The following ZDHHC14 variants were observed in gnomAD, a reference collection of about 807,000 sequenced individuals.
The protein encoded by ZDHHC14 is palmitoyltransferase ZDHHC14.
In ZDHHC14, 16 loss-of-function variants were observed where a neutral mutation model predicts 47.7. The observed-to-expected ratio is 0.34, with a 90% CI of 0.23 to 0.51. The LOEUF (loss-of-function observed/expected upper bound fraction) is 0.51, where lower values mean the gene tolerates loss of function less well. Among genes scored for constraint, ZDHHC14 ranks in the 20% least tolerant of loss-of-function variants. The pLI is 0.97. For synonymous variants in ZDHHC14, 293 were observed against 278.9 expected, an observed-to-expected ratio of 1.05 and a Z score of -0.50; for missense variants, 515 against 662.5, an observed-to-expected ratio of 0.78 and a Z score of 2.44.
intron 1 of ZDHHC14, among the ~76,000 whole-genome samples, chr6:157,444,675 C>CA (rs34402178): frequency 0.013 from 1,517 of 118,158 alleles, 30 homozygotes; most frequent in African/African-American, 0.041. Flanking sequence ...GAGACTCCGT[C>CA]AAAAAAAAAA....
Position 157,414,592 on chromosome 6 carries a change from C to T in ZDHHC14, c.245+32326C>T, listed in dbSNP as rs148925337. On this transcript the variant is annotated intron_variant, in intron 1 of 8. Transcript: ENST00000359775. ...CATCTCTATGGGCTGCAGCTGCTGC[C>T]AGAGACTTTCATCCAGGCCAAGAGA... Among the ~76,000 whole-genome samples the T allele has an allele frequency of 2.6e-4, 39 of 152,188 alleles. No homozygotes were observed. The South Asian group carries it at 4.6e-3, about 18-fold the overall frequency.
chr6:157,659,735 G>A (rs1312548230), intron 8 of ZDHHC14, among the ~76,000 whole-genome samples: 1 of 152,216 alleles, frequency 6.6e-6, no homozygotes, highest in African/African-American at 2.4e-5. Context: ...AAGAGCAAGT[G>A]GTCTGGCAAG....
At chr6:157,389,128 C>G (rs1777373576) in intron 1 of ZDHHC14, among the ~76,000 whole-genome samples, 1 of 152,084 alleles carries the variant, frequency 6.6e-6, no homozygotes, top group Admixed American at 6.6e-5. Flanking sequence ...TTAAAGCAGT[C>G]TATTCATGAA....
chr6:157,642,785 A>G (rs924285160), intron 5 of ZDHHC14, among the ~76,000 whole-genome samples: 2 of 152,318 alleles, frequency 1.3e-5, no homozygotes, highest in Middle Eastern at 3.4e-3. Flanking sequence ...TTATTATGGC[A>G]TAGATATTTT....
intron 1 of ZDHHC14, among the ~76,000 whole-genome samples, chr6:157,408,903 A>C (rs1404979531): frequency 6.6e-6 from 1 of 152,182 alleles, no homozygotes; most frequent in African/African-American, 2.4e-5. Context: ...CCCTGCTTAT[A>C]ATTTCCTTAT....
At position 157,675,964 on chromosome 6, in the gene ZDHHC14, G is replaced by A. The variant is rs906561441; in HGVS notation, c.*2842G>A. 5.3e-5 allele frequency: 8 copies of A among 152,206 alleles called. No homozygotes were observed. Among genetic ancestry groups the A allele is most frequent in the Non-Finnish European group, 1.0e-4 (7 of 68,046 alleles). The allele number at this position is 152,206 out of a possible 1,614,324, so 9.4% of individuals were successfully genotyped here. A position where few individuals can be genotyped will look rare whatever the true frequency, so the allele number is the denominator to read the frequency against. ...TTCTGCTGTTTAAAAATTCATCTGC[G>A]TTCGTTCTCCCAGGAGTGCTCCAGG... On this transcript the variant is annotated 3_prime_UTR_variant, in exon 9 of 9. Transcript: ENST00000359775.
At chr6:157,641,216 A>G (rs997492126) in intron 5 of ZDHHC14, among the ~76,000 whole-genome samples, 3 of 152,118 alleles carry the variant, frequency 2.0e-5, no homozygotes, top group African/African-American at 7.2e-5. Flanking sequence ...TCTTCTGTGT[A>G]TCTCTATGTG....
At chr6:157,442,532 C>T (rs35795521) in intron 1 of ZDHHC14, among the ~76,000 whole-genome samples, 43,216 of 152,142 alleles carry the variant, frequency 0.28, 6,370 homozygotes, top group Admixed American at 0.41. Flanking sequence ...CTCTAAGCCC[C>T]GCTCTCCCAG....
intron 2 of ZDHHC14, among the ~76,000 whole-genome samples, chr6:157,568,400 C>A (rs1214872005): frequency 6.6e-6 from 1 of 151,988 alleles, no homozygotes; most frequent in Non-Finnish European, 1.5e-5. Context: ...TGTATTTTTA[C>A]CCAATGGGAT....
At chr6:157,639,762 C>G (rs1285976973) in intron 5 of ZDHHC14, among the ~76,000 whole-genome samples, 1 of 151,942 alleles carries the variant, frequency 6.6e-6, no homozygotes, top group Admixed American at 6.6e-5. Context: ...GGAGTAGGAG[C>G]GTTCTGCCAA....
intron 1 of ZDHHC14, among the ~76,000 whole-genome samples, chr6:157,411,753 A>T (rs1583622263): frequency 9.6e-5 from 1 of 10,422 alleles, no homozygotes. Context: ...TGTTCATGGT[A>T]AAAAAAAAAA....
At chr6:157,390,075 A>G (rs996062848) in intron 1 of ZDHHC14, among the ~76,000 whole-genome samples, 3 of 152,018 alleles carry the variant, frequency 2.0e-5, no homozygotes, top group African/African-American at 4.8e-5. Flanking sequence ...AGCATTTCTT[A>G]TATGCAAGTC....
intron 1 of ZDHHC14, among the ~76,000 whole-genome samples, chr6:157,511,121 C>G (rs550170588): frequency 6.6e-6 from 1 of 152,226 alleles, no homozygotes; most frequent in Admixed American, 6.5e-5. Flanking sequence ...AAGTCCGGCT[C>G]TTTTTGTGTG....
Position 157,415,612 on chromosome 6 carries a change from C to A in ZDHHC14, c.245+33346C>A, listed in dbSNP as rs183987077. ...TGGCAAGGCCAGGTACGGTGACTTA[C>A]ACCTGTAATCCCAGCACTTGGGGAG... is the stretch of plus-strand genomic sequence containing the variant. On this transcript the variant is annotated intron_variant, in intron 1 of 8. Transcript: ENST00000359775. Among the ~76,000 whole-genome samples the A allele has an allele frequency of 1.9e-3, 285 of 152,334 alleles. 1 individual carries two copies. Among genetic ancestry groups the A allele is most frequent in the African/African-American group, 6.6e-3 (276 of 41,582 alleles).
At chr6:157,612,233 C>T (rs576716954) in intron 3 of ZDHHC14, among the ~76,000 whole-genome samples, 19 of 152,192 alleles carry the variant, frequency 1.2e-4, no homozygotes, top group Non-Finnish European at 2.2e-4. Flanking sequence ...CTGCAAGCCG[C>T]CATCATCTCT....
At position 157,475,938 on chromosome 6, in the gene ZDHHC14, T is replaced by C. The variant is rs369659084; in HGVS notation, c.246-66647T>C. ...TGGAAGTACATCATATCAAAACTTATGGGATGCAGCAAAACAAGTCCTAAG... is the reference window on the plus strand; with the variant it reads ...TGGAAGTACATCATATCAAAACTTACGGGATGCAGCAAAACAAGTCCTAAG... On this transcript the variant is annotated intron_variant, in intron 1 of 8. Transcript: ENST00000359775. 6.6e-5 allele frequency among the ~76,000 whole-genome samples: 10 copies of C among 152,216 alleles called. No homozygotes were observed. The East Asian group carries it at 1.5e-3, about 23-fold the overall frequency.
intron 2 of ZDHHC14, among the ~76,000 whole-genome samples, chr6:157,544,650 A>AAAC (rs539123195): frequency 8.2e-5 from 10 of 121,472 alleles, no homozygotes; most frequent in East Asian, 4.2e-4. Flanking sequence ...ACTCTGTGTC[A>AAAC]AACAACAACA....
intron 2 of ZDHHC14, among the ~76,000 whole-genome samples, chr6:157,575,542 C>T (rs909229417): frequency 1.2e-4 from 19 of 152,096 alleles, no homozygotes; most frequent in African/African-American, 3.1e-4. Flanking sequence ...CCCTCCTGTC[C>T]TGGGACCAGG....
chr6:157,412,004 T>A (rs1267486000), intron 1 of ZDHHC14, among the ~76,000 whole-genome samples: 1 of 151,430 alleles, frequency 6.6e-6, no homozygotes, highest in African/African-American at 2.4e-5. Flanking sequence ...AGTGGTGTGA[T>A]CTCGGCTCAT....
Sources: allele counts gnomAD v4.1 joint callset (sites outside exome capture counted in the v4.1 genomes callset), GRCh38; gene constraint gnomAD v4.1.1; transcripts MANE v1.5; gene names NCBI Gene and HGNC (gene_info 2026-07-23, HGNC 2026-07-21).